The following TMPRSS15 variants were observed in gnomAD, a reference collection of about 807,000 sequenced individuals.
TMPRSS15 encodes the protein transmembrane serine protease 15, also known as enteropeptidase.
In TMPRSS15, 128 loss-of-function variants were observed where a neutral mutation model predicts 125.3. The ratio of observed to expected loss-of-function variants is 1.02; its 90% CI spans 0.89 to 1.18. The LOEUF (loss-of-function observed/expected upper bound fraction) is 1.18, where lower values mean the gene tolerates loss of function less well. TMPRSS15 is among the 50% of genes most tolerant of loss of function. The probability of loss-of-function intolerance (pLI) is 0.00; values close to 1 mark genes in which losing one functional copy is unlikely to be tolerated. For synonymous variants in TMPRSS15, 446 were observed against 423.2 expected, an observed-to-expected ratio of 1.05 and a Z score of -0.66; for missense variants, 1,283 against 1,212.7, an observed-to-expected ratio of 1.06 and a Z score of -0.86.
chr21:18,344,979 T>C lies in TMPRSS15; in HGVS notation c.1172-919A>G, dbSNP rs144705035. Among the ~76,000 whole-genome samples, 12 of 152,294 alleles carry C rather than the reference T, an allele frequency of 7.9e-5. No homozygotes were observed. In the East Asian group the frequency reaches 1.9e-3, roughly 25 times the overall value. On this transcript the variant is annotated intron_variant, in intron 10 of 24. Coordinates refer to ENST00000284885, the MANE Select transcript of TMPRSS15 (RefSeq NM_002772.3). The stretch of plus-strand genomic sequence containing the variant: ...TGCAACAGAAAAATATAGGCAATGT[T>C]GCATATAAACTTTAAACTCATTCAT...
At chr21:18,355,619 A>T (rs1156633731) in intron 8 of TMPRSS15, among the ~76,000 whole-genome samples, 1 of 151,724 alleles carries the variant, frequency 6.6e-6, no homozygotes, top group Non-Finnish European at 1.5e-5. Flanking sequence ...CAGCATCAGT[A>T]TTTGATTGAG....
In TMPRSS15 at chr21:18,367,931, C is replaced by T. The variant is rs141613479; in HGVS notation, c.665-2683G>A. On this transcript the variant is annotated intron_variant, in intron 6 of 24. Coordinates refer to ENST00000284885, the MANE Select transcript of TMPRSS15 (RefSeq NM_002772.3). ...AATATATATATACATCTATCACTAT[C>T]GCAATGACATCACCCACTCTTTGAA... 2.6e-3 allele frequency among the ~76,000 whole-genome samples: 396 copies of T among 152,128 alleles called. 6 individuals are homozygous for T. The highest frequency in any genetic ancestry group is 8.6e-3 in the African/African-American group (356 of 41,490).
At chr21:18,356,872 T>G (rs564857624) in intron 8 of TMPRSS15, among the ~76,000 whole-genome samples, 36 of 152,000 alleles carry the variant, frequency 2.4e-4, no homozygotes, top group African/African-American at 8.4e-4. Context: ...GCTATAGCTA[T>G]GCACACTTCT....
intron 1 of TMPRSS15, among the ~76,000 whole-genome samples, chr21:18,468,481 T>G (rs1284272889): frequency 6.6e-6 from 1 of 152,132 alleles, no homozygotes; most frequent in Non-Finnish European, 1.5e-5. Flanking sequence ...GAGACTAATT[T>G]CTGGTGCATA....
chr21:18,286,304 C>T (rs985203585), intron 21 of TMPRSS15, among the ~76,000 whole-genome samples: 2 of 152,152 alleles, frequency 1.3e-5, no homozygotes, highest in African/African-American at 4.8e-5. Context: ...ATAATCTTAA[C>T]CAAGTCATTA....
chr21:18,290,731 T>C (rs1287310518), intron 21 of TMPRSS15, among the ~76,000 whole-genome samples: 1 of 152,166 alleles, frequency 6.6e-6, no homozygotes, highest in Non-Finnish European at 1.5e-5. Context: ...TAATGTTAAA[T>C]TTCCATGATT....
chr21:18,328,211 C>G (rs139459563), intron 15 of TMPRSS15, among the ~76,000 whole-genome samples: 1 of 152,116 alleles, frequency 6.6e-6, no homozygotes, highest in African/African-American at 2.4e-5. Context: ...ACAAAAATTT[C>G]CTCTACAAGA....
At chr21:18,321,553 C>T (rs1305545625) in intron 16 of TMPRSS15, among the ~76,000 whole-genome samples, 1 of 152,008 alleles carries the variant, frequency 6.6e-6, no homozygotes, top group Admixed American at 6.6e-5. Flanking sequence ...GGGGTTTCAC[C>T]GTGTTAGCCA....
chr21:18,440,839 A>T (rs2076239795), intron 1 of TMPRSS15, among the ~76,000 whole-genome samples: 1 of 152,238 alleles, frequency 6.6e-6, no homozygotes, highest in Admixed American at 6.5e-5. Context: ...AAAGAAAATT[A>T]GTGTAATATA....
intron 5 of TMPRSS15, among the ~76,000 whole-genome samples, chr21:18,377,632 G>T (rs1243474870): frequency 6.6e-6 from 1 of 152,076 alleles, no homozygotes; most frequent in Admixed American, 6.6e-5. Flanking sequence ...TAGGTAATGC[G>T]TGAATTCACC....
intron 8 of TMPRSS15, among the ~76,000 whole-genome samples, chr21:18,357,728 G>A (rs2075639740): frequency 6.6e-6 from 1 of 151,652 alleles, no homozygotes; most frequent in South Asian, 2.1e-4. Flanking sequence ...AATACTGCTT[G>A]TTTCCATTGA....
At chr21:18,447,016 T>C (rs1482456959) in intron 1 of TMPRSS15, among the ~76,000 whole-genome samples, 3 of 152,314 alleles carry the variant, frequency 2.0e-5, no homozygotes, top group African/African-American at 2.4e-5. Context: ...CAGGATAAAC[T>C]ATTTGCAATC....
chr21:18,479,427 C>T (rs938628613), intron 1 of TMPRSS15, among the ~76,000 whole-genome samples: 3 of 151,840 alleles, frequency 2.0e-5, no homozygotes, highest in African/African-American at 7.3e-5. Flanking sequence ...TTGTTTACTA[C>T]CTAACTGGGC....
chr21:18,326,606 T>C (rs1446125634), intron 15 of TMPRSS15, 34 bp from the exon 16 acceptor site: 15 of 1,613,668 alleles, frequency 9.3e-6, no homozygotes, highest in African/African-American at 1.3e-5. Context: ...ATCAGTGAGA[T>C]GATCCTTTGG....
intron 1 of TMPRSS15, among the ~76,000 whole-genome samples, chr21:18,434,338 AT>A (rs1414960138): frequency 6.6e-6 from 1 of 152,112 alleles, no homozygotes; most frequent in Admixed American, 6.6e-5. Flanking sequence ...ATGCATAAAT[AT>A]TTTTATATTA....
chr21:18,316,769 T>C (rs1367891076), intron 16 of TMPRSS15, among the ~76,000 whole-genome samples: 1 of 152,192 alleles, frequency 6.6e-6, no homozygotes, highest in Non-Finnish European at 1.5e-5. Flanking sequence ...TTGTTCGGTC[T>C]TTAAAAGTTT....
At chr21:18,379,078 G>A (rs1309003375) in intron 5 of TMPRSS15, among the ~76,000 whole-genome samples, 1 of 152,088 alleles carries the variant, frequency 6.6e-6, no homozygotes, top group Admixed American at 6.6e-5. Context: ...TGAAATCTGA[G>A]AACTCAGGCA....
At chr21:18,386,732 C>A (rs112397534) in intron 3 of TMPRSS15, among the ~76,000 whole-genome samples, 20 of 152,258 alleles carry the variant, frequency 1.3e-4, no homozygotes, top group African/African-American at 4.6e-4. Flanking sequence ...TCTCCAATCC[C>A]CCATCTTCAT....
At chr21:18,432,688 G>A (rs1177569562) in intron 1 of TMPRSS15, among the ~76,000 whole-genome samples, 1 of 152,098 alleles carries the variant, frequency 6.6e-6, no homozygotes, top group Non-Finnish European at 1.5e-5. Flanking sequence ...CTTCCCTAGG[G>A]GCTTCAGAGA....
Sources: allele counts gnomAD v4.1 joint callset (sites outside exome capture counted in the v4.1 genomes callset), GRCh38; gene constraint gnomAD v4.1.1; transcripts MANE v1.5; gene names NCBI Gene and HGNC (gene_info 2026-07-23, HGNC 2026-07-21).